SRGAP1: variants seen among roughly 807,000 people sequenced by gnomAD.
SRGAP1 encodes the protein SLIT-ROBO Rho GTPase activating protein 1.
A neutral mutation model predicts 121.9 loss-of-function variants in SRGAP1; 43 were observed. The ratio of observed to expected loss-of-function variants is 0.35; its 90% confidence interval spans 0.28 to 0.46. The LOEUF (loss-of-function observed/expected upper bound fraction) is 0.46. Ranked by LOEUF, SRGAP1 falls within the 20% of genes least tolerant of loss-of-function variation. The pLI, the probability that SRGAP1 is intolerant of heterozygous loss-of-function variation, is 1.00. For synonymous variants in SRGAP1, 447 were observed against 485.4 expected (o/e 0.92, Z 1.04); for missense variants, 1,102 against 1,350.9 (o/e 0.82, Z 2.89).
At chr12:63,961,818 G>A (rs1380283441) in intron 1 of SRGAP1, among the ~76,000 whole-genome samples, 1 of 152,230 alleles carries the variant, frequency 6.6e-6, no homozygotes, top group East Asian at 1.9e-4. Flanking sequence ...ATGTCAGGGA[G>A]TGATAAGTGC....
chr12:63,898,326 G>A (rs2136303490), intron 1 of SRGAP1, among the ~76,000 whole-genome samples: 1 of 152,306 alleles, frequency 6.6e-6, no homozygotes, highest in South Asian at 2.1e-4. Flanking sequence ...AGTCAGCTCA[G>A]GACATCCCAT....
chr12:64,001,689 A>G (rs2033903372), intron 3 of SRGAP1, among the ~76,000 whole-genome samples: 1 of 152,202 alleles, frequency 6.6e-6, no homozygotes, highest in Admixed American at 6.5e-5. Flanking sequence ...CAAATGCAAG[A>G]AAGAACACAG....
chr12:64,021,507 A>G (rs74097545), intron 4 of SRGAP1, among the ~76,000 whole-genome samples: 5,720 of 152,290 alleles, frequency 0.038, 367 homozygotes, highest in African/African-American at 0.13. Flanking sequence ...ACAGACGAGG[A>G]AACTAAGGCT....
intron 1 of SRGAP1, among the ~76,000 whole-genome samples, chr12:63,920,635 T>G (rs1368601868): frequency 6.6e-6 from 1 of 152,062 alleles, no homozygotes; most frequent in Non-Finnish European, 1.5e-5. Flanking sequence ...TAGAGATGAG[T>G]TGGATATGCA....
chr12:64,062,935 C>A lies in SRGAP1; in HGVS notation c.820C>A (p.His274Asn). 3 of 1,610,688 alleles carry A rather than the reference C, an allele frequency of 1.9e-6. No homozygotes were observed. The highest frequency in any genetic ancestry group is 8.5e-7 in the Non-Finnish European group (1 of 1,178,276). ...TTTTAAGTGCTGTGATCTTGGCTAC[C>A]ATGCAAGTCTGAACAGAGCCCTAAG... ...DLIDCCDLGYHASLNRALRTY... is the reference protein window; with the variant it reads ...DLIDCCDLGYNASLNRALRTY... Residue 274 changes from histidine (H) to asparagine (N), a missense_variant, in exon 7 of 22, where the codon CAT becomes AAT. Around this residue, in one of 3 missense-constraint regions of SRGAP1, gnomAD observed 747 missense variants for 929.4 expected, o/e 0.80. Transcript: ENST00000355086.
At position 64,159,503 on chromosome 12, in the gene SRGAP1, G is replaced by GTGGT. The variant is rs1565706818; in HGVS notation, c.*16832_*16835dup. 1 of 155,634 alleles carries GTGGT rather than the reference G, an allele frequency of 6.4e-6. No homozygotes were observed. The highest frequency in any genetic ancestry group is 6.5e-5 in the Admixed American group (1 of 15,326). 9.6% of individuals were successfully genotyped at this position (155,634 alleles called of 1,614,324 possible). On this transcript the variant is annotated 3_prime_UTR_variant, in exon 22 of 22. Coordinates refer to ENST00000355086, the MANE Select transcript of SRGAP1 (RefSeq NM_020762.4). ...AACAAACAAACAGTAGCTGGTTGTG[G>GTGGT]TGGTGTGTGACTGTGATCCCAGCTA...
At chr12:63,900,219 T>TTTTTTTC in intron 1 of SRGAP1, among the ~76,000 whole-genome samples, 2 of 146,326 alleles carry the variant, frequency 1.4e-5, no homozygotes, top group African/African-American at 2.5e-5. Flanking sequence ...TTTTTTTTTT[T>TTTTTTTC]TTTTGAGGTG....
At chr12:63,875,058 G>A (rs1335405784) in intron 1 of SRGAP1, among the ~76,000 whole-genome samples, 2 of 152,186 alleles carry the variant, frequency 1.3e-5, no homozygotes, top group Non-Finnish European at 2.9e-5. Flanking sequence ...TAGGACTACA[G>A]GCATCTGCCA....
chr12:64,121,405 CT>C (rs2036604025), intron 18 of SRGAP1, among the ~76,000 whole-genome samples: 3 of 152,122 alleles, frequency 2.0e-5, no homozygotes, highest in Middle Eastern at 6.8e-3. Context: ...AAATGTTGCT[CT>C]TTTTTTATTT....
chr12:63,983,847 T>TAAATAAATAA (rs2033340782), intron 1 of SRGAP1, 100 bp from the exon 2 acceptor site: 1 of 98,268 alleles, frequency 1.0e-5, no homozygotes, highest in Non-Finnish European at 2.0e-5. Flanking sequence ...TATATATATA[T>TAAATAAATAA]ATATATATTT....
At chr12:63,994,758 C>G (rs2033647636) in intron 3 of SRGAP1, among the ~76,000 whole-genome samples, 1 of 152,198 alleles carries the variant, frequency 6.6e-6, no homozygotes, top group Non-Finnish European at 1.5e-5. Flanking sequence ...GTTTCATTCT[C>G]AACCCTCACT....
At chr12:63,866,397 A>G (rs996218779) in intron 1 of SRGAP1, among the ~76,000 whole-genome samples, 4 of 152,248 alleles carry the variant, frequency 2.6e-5, no homozygotes, top group Non-Finnish European at 4.4e-5. Context: ...TTTAACTTGA[A>G]TATCACTCGA....
rs1228351728 is a variant in SRGAP1, at chr12:63,989,901, A to G, written c.264-9A>G. ...ATGGGTGGTAATTCTGTGTTTCTTCACTTCTTAGGAAAGACCAGAACCTGT... is the reference window on the plus strand; with the variant it reads ...ATGGGTGGTAATTCTGTGTTTCTTCGCTTCTTAGGAAAGACCAGAACCTGT... On this transcript the variant is annotated splice_polypyrimidine_tract_variant and intron_variant, in intron 2 of 21. Coordinates refer to ENST00000355086, the MANE Select transcript of SRGAP1 (RefSeq NM_020762.4). The G allele has an allele frequency of 1.5e-5, 24 of 1,585,756 alleles. No individual in the cohort carries two copies. Among genetic ancestry groups the G allele is most frequent in the Non-Finnish European group, 2.0e-5 (24 of 1,170,918 alleles).
chr12:63,925,664 C>G (rs771592233), intron 1 of SRGAP1, among the ~76,000 whole-genome samples: 1 of 152,054 alleles, frequency 6.6e-6, no homozygotes, highest in Admixed American at 6.6e-5. Context: ...CAAAGGAGGA[C>G]AAAAAGAAAA....
chr12:63,847,835 A>AT (rs539359235), intron 1 of SRGAP1, among the ~76,000 whole-genome samples: 203 of 150,870 alleles, frequency 1.3e-3, no homozygotes, highest in Non-Finnish European at 2.6e-3. Flanking sequence ...GATTATATGT[A>AT]TTTTTTTTTC....
Position 64,148,308 on chromosome 12 carries a change from ATCTC to A in SRGAP1, c.*5640_*5643del, listed in dbSNP as rs1045533851. 7.1e-6 allele frequency: 1 copy of A among 140,204 alleles called. No individual in the cohort carries two copies. Among genetic ancestry groups the A allele is most frequent in the African/African-American group, 2.7e-5 (1 of 37,516 alleles). 8.7% of individuals were successfully genotyped at this position (140,204 alleles called of 1,614,324 possible). ...TTTTTTTTTTTTTTTTTTGAGACGA[ATCTC>A]TCTGTGTCACCCAGGCTGTAGTGCA... On this transcript the variant is annotated 3_prime_UTR_variant, in exon 22 of 22. Transcript: ENST00000355086.
chr12:63,938,122 A>G (rs559242975), intron 1 of SRGAP1, among the ~76,000 whole-genome samples: 22 of 152,374 alleles, frequency 1.4e-4, no homozygotes, highest in Middle Eastern at 6.8e-3. Flanking sequence ...TCATGTGGCC[A>G]GAGAAGAAAG....
rs2037090743 is a variant in SRGAP1 at position 64,148,958 on chromosome 12, C to G, written c.*6286C>G. On this transcript the variant is annotated 3_prime_UTR_variant, in exon 22 of 22. Coordinates refer to ENST00000355086, the MANE Select transcript of SRGAP1 (RefSeq NM_020762.4). ...TTAGCTTTCTATAAATGGGTTCATA[C>G]AGTATGTAGATTTTGTGTCTGGCTC... The G allele has an allele frequency of 6.6e-6, 1 of 152,120 alleles. No individual in the cohort carries two copies. The highest frequency in any genetic ancestry group is 1.5e-5 in the Non-Finnish European group (1 of 68,042). 9.4% of individuals were successfully genotyped at this position (152,120 alleles called of 1,614,324 possible).
At chr12:64,038,352 A>G (rs2034943249) in intron 4 of SRGAP1, among the ~76,000 whole-genome samples, 1 of 152,162 alleles carries the variant, frequency 6.6e-6, no homozygotes, top group Non-Finnish European at 1.5e-5. Context: ...ACACACAGGG[A>G]CACACAATTT....
Sources: allele counts gnomAD v4.1 joint callset (sites outside exome capture counted in the v4.1 genomes callset), GRCh38; gene constraint gnomAD v4.1.1; regional missense constraint gnomAD v4.1.1; transcripts MANE v1.5; gene names NCBI Gene and HGNC (gene_info 2026-07-23, HGNC 2026-07-21).